DCBLD1: variants seen among roughly 807,000 people sequenced by gnomAD.
DCBLD1 encodes discoidin, CUB and LCCL domain-containing protein 1.
Under a neutral mutation model 71.5 loss-of-function variants are expected in DCBLD1, and 57 were observed. That is an observed-to-expected ratio of 0.80 (90% confidence interval 0.64 to 0.99). DCBLD1 has a LOEUF of 0.99. DCBLD1 is among the 50% of genes least tolerant of loss of function. The pLI is 0.00. For synonymous variants in DCBLD1, 380 were observed against 363.8 expected (o/e 1.04, Z -0.51); for missense variants, 891 against 923.5 (o/e 0.96, Z 0.46).
At chr6:117,496,004 C>G (rs1187546725) in intron 1 of DCBLD1, among the ~76,000 whole-genome samples, 1 of 152,172 alleles carries the variant, frequency 6.6e-6, no homozygotes, top group Non-Finnish European at 1.5e-5. Context: ...TTAAGTGACA[C>G]TTTTAGCTGA....
chr6:117,512,327 CA>C (rs1335970704), intron 2 of DCBLD1, among the ~76,000 whole-genome samples: 1 of 152,110 alleles, frequency 6.6e-6, no homozygotes, highest in African/African-American at 2.4e-5. Flanking sequence ...AATGAGAGAC[CA>C]AAATTCTCCA....
intron 5 of DCBLD1, among the ~76,000 whole-genome samples, chr6:117,525,702 G>T (rs903385077): frequency 2.6e-5 from 4 of 152,108 alleles, no homozygotes; most frequent in Admixed American, 2.6e-4. Context: ...TTTGTAAGAG[G>T]TTATAGATTT....
At chr6:117,492,022 A>C (rs986417374) in intron 1 of DCBLD1, among the ~76,000 whole-genome samples, 28 of 152,202 alleles carry the variant, frequency 1.8e-4, no homozygotes, top group African/African-American at 6.8e-4. Context: ...TTATTGCTCC[A>C]CTTTTAGTGA....
chr6:117,567,155 A>G, intron 14 of DCBLD1: 1 of 606,574 alleles, frequency 1.6e-6, no homozygotes, highest in African/African-American at 1.9e-5. Flanking sequence ...TGATTTCCAG[A>G]AAATAAATAA....
At chr6:117,489,741 C>T (rs9489212) in intron 1 of DCBLD1, among the ~76,000 whole-genome samples, 3,388 of 152,184 alleles carry the variant, frequency 0.022, 108 homozygotes, top group African/African-American at 0.077. Flanking sequence ...AAAAATTAGC[C>T]GGGCGTGGTG....
At chr6:117,558,324 G>C (rs1056963522) in intron 14 of DCBLD1, among the ~76,000 whole-genome samples, 37 of 152,110 alleles carry the variant, frequency 2.4e-4, no homozygotes. Flanking sequence ...ATACAATCCT[G>C]CTGTAACCGG....
chr6:117,555,017 G>A (rs149345185), intron 14 of DCBLD1, among the ~76,000 whole-genome samples: 22 of 152,220 alleles, frequency 1.4e-4, no homozygotes, highest in African/African-American at 4.8e-4. Flanking sequence ...CTCTTGCTAG[G>A]CATTAGAATT....
downstream of DCBLD1, among the ~76,000 whole-genome samples, chr6:117,550,578 A>T (rs890652487): frequency 3.9e-5 from 6 of 152,312 alleles, no homozygotes; most frequent in African/African-American, 1.2e-4. Flanking sequence ...TCTGGGTTTT[A>T]TTATTGTTAT....
chr6:117,543,412 G>A (rs148744393), intron 12 of DCBLD1, among the ~76,000 whole-genome samples: 59 of 152,172 alleles, frequency 3.9e-4, no homozygotes, highest in African/African-American at 1.3e-3. Flanking sequence ...TTATAGACAG[G>A]GTCTCCCTGT....
chr6:117,524,945 A>C (rs1778500254), intron 4 of DCBLD1, among the ~76,000 whole-genome samples: 1 of 152,194 alleles, frequency 6.6e-6, no homozygotes, highest in Non-Finnish European at 1.5e-5. Flanking sequence ...TCCTACTCCC[A>C]GAGAGAATCT....
chr6:117,513,603 GGATA>G (rs1227657361), intron 2 of DCBLD1, among the ~76,000 whole-genome samples: 1 of 152,186 alleles, frequency 6.6e-6, no homozygotes, highest in Non-Finnish European at 1.5e-5. Context: ...TTGCAGACAG[GGATA>G]GATAGAAGTG....
intron 14 of DCBLD1, chr6:117,560,746 TATACACGCACAC>T (rs1779568915): frequency 4.9e-6 from 1 of 205,618 alleles, no homozygotes; most frequent in African/African-American, 2.3e-5. Flanking sequence ...AGTGTAAATA[TATACACGCACAC>T]ATACAACCCT....
At chr6:117,551,003 A>C (rs1418975242), downstream of DCBLD1, among the ~76,000 whole-genome samples, 2 of 152,162 alleles carry the variant, frequency 1.3e-5, no homozygotes, top group Non-Finnish European at 2.9e-5. Flanking sequence ...CAGCCCATGC[A>C]GTCACCCCAT....
At chr6:117,531,600 G>A (rs771686041) in intron 5 of DCBLD1, among the ~76,000 whole-genome samples, 1 of 152,160 alleles carries the variant, frequency 6.6e-6, no homozygotes, top group African/African-American at 2.4e-5. Context: ...GCCTCCTGAG[G>A]GGATTCAGGA....
At chr6:117,516,035 A>G (rs562580747) in intron 2 of DCBLD1, among the ~76,000 whole-genome samples, 7 of 152,220 alleles carry the variant, frequency 4.6e-5, no homozygotes, top group Admixed American at 2.6e-4. Flanking sequence ...AGCTCTTACT[A>G]TGTGCTGAGT....
intron 3 of DCBLD1, among the ~76,000 whole-genome samples, chr6:117,520,242 T>A (rs1778342328): frequency 6.6e-6 from 1 of 152,114 alleles, no homozygotes; most frequent in Non-Finnish European, 1.5e-5. Context: ...TTGCAAAAAA[T>A]TTTTATAATT....
At chr6:117,522,007 T>A (rs1187146185) in intron 4 of DCBLD1, among the ~76,000 whole-genome samples, 2 of 152,242 alleles carry the variant, frequency 1.3e-5, no homozygotes, top group Admixed American at 1.3e-4. Context: ...AGACTGTATT[T>A]TTTTTCCTGG....
In DCBLD1 at chr6:117,549,011, C is replaced by T. The variant is rs1215046676; in HGVS notation, c.*572C>T. On this transcript the variant is annotated 3_prime_UTR_variant, in exon 15 of 15. Coordinates refer to ENST00000338728, the MANE Select transcript of DCBLD1 (RefSeq NM_001366458.2). ...TTCTTCTCCTGGAAGAAATGAATTA[C>T]TTGAAGCATGAAAAGCACACCAGGG... is the stretch of plus-strand genomic sequence containing the variant. The T allele has an allele frequency of 1.0e-5, 10 of 987,078 alleles. 1 individual carries two copies. The highest frequency in any genetic ancestry group is 1.0e-3 in the Middle Eastern group (2 of 1,914). 61.1% of individuals were successfully genotyped at this position (987,078 alleles called of 1,614,324 possible).
Position 117,563,241 on chromosome 6 carries a change from A to G in DCBLD1, c.1616-6379A>G, listed in dbSNP as rs372672700. 28 of 1,609,192 alleles carry G rather than the reference A, an allele frequency of 1.7e-5. No homozygotes were observed. The African/African-American group carries it at 3.2e-4, about 18-fold the overall frequency. On this transcript the variant is annotated intron_variant, in intron 14 of 14. Transcript: ENST00000296955. ...TAGTCTGATTAACAATCTTGTCTGG[A>G]GATATGGTCAATTTAATAAGATTTT...
Sources: gnomAD v4.1 joint callset for allele counts (sites outside exome capture counted in the v4.1 genomes callset) on GRCh38, gnomAD v4.1.1 for gene constraint, MANE v1.5 for transcripts, NCBI Gene and HGNC (gene_info 2026-07-23, HGNC 2026-07-21) for gene names.